Variants in LHFPL3 observed in about 807,000 individuals in gnomAD.
LHFPL3 encodes LHFPL tetraspan subfamily member 3.
A neutral mutation model predicts 19.3 loss-of-function variants in LHFPL3; 5 were observed. The observed-to-expected ratio is 0.26, with a 90% CI of 0.14 to 0.54. The LOEUF is 0.54. Ranked by LOEUF, LHFPL3 falls within the 20% of genes least tolerant of loss-of-function variation. The pLI is 0.94. For missense variants in LHFPL3, 249 were observed against 307.4 expected, an observed-to-expected ratio of 0.81 and a Z score of 1.42; for synonymous variants, 133 against 126.2, an observed-to-expected ratio of 1.05 and a Z score of -0.36.
At chr7:104,339,344 A>G (rs542216700) in intron 1 of LHFPL3, among the ~76,000 whole-genome samples, 1 of 152,340 alleles carries the variant, frequency 6.6e-6, no homozygotes, top group Non-Finnish European at 1.5e-5. Context: ...ACAATCCTAC[A>G]AGGTTCGTAT....
At chr7:104,676,703 C>T (rs954103422) in intron 1 of LHFPL3, among the ~76,000 whole-genome samples, 2 of 152,180 alleles carry the variant, frequency 1.3e-5, no homozygotes, top group Non-Finnish European at 2.9e-5. Flanking sequence ...GCAAATAATG[C>T]GATTTTTAAA....
At chr7:104,878,660 G>A (rs1791992390) in intron 2 of LHFPL3, among the ~76,000 whole-genome samples, 1 of 152,142 alleles carries the variant, frequency 6.6e-6, no homozygotes, top group Non-Finnish European at 1.5e-5. Context: ...TAAGTGAGAG[G>A]AAGAGTCACA....
chr7:104,394,774 G>A (rs928579332), intron 1 of LHFPL3, among the ~76,000 whole-genome samples: 4 of 151,560 alleles, frequency 2.6e-5, no homozygotes, highest in African/African-American at 9.7e-5. Flanking sequence ...AATCTCAGCT[G>A]ATTGCACCCT....
intron 1 of LHFPL3, among the ~76,000 whole-genome samples, chr7:104,546,040 C>CA (rs72219743): frequency 4.0e-5 from 6 of 151,564 alleles, no homozygotes; most frequent in East Asian, 1.9e-4. Context: ...TAATAGTTGC[C>CA]AAAAAAAATG....
chr7:104,581,070 G>T (rs1584415769), intron 1 of LHFPL3, among the ~76,000 whole-genome samples: 1 of 151,872 alleles, frequency 6.6e-6, no homozygotes. Flanking sequence ...TCACAGGGTG[G>T]GTGTTTATTT....
intron 1 of LHFPL3, among the ~76,000 whole-genome samples, chr7:104,430,383 CATATATATATATATATATAT>C (rs1176189742): frequency 2.5e-5 from 1 of 39,702 alleles, no homozygotes; most frequent in Non-Finnish European, 4.0e-5. Flanking sequence ...TATATATATA[CATATATATATATATATATAT>C]ACATATATAT....
chr7:104,669,425 A>G, intron 1 of LHFPL3: 2 of 1,613,530 alleles, frequency 1.2e-6, no homozygotes, highest in African/African-American at 2.7e-5. Flanking sequence ...TCAGATAGGA[A>G]AGATGGCAAA....
intron 2 of LHFPL3, chr7:104,785,918 C>G (rs552058662): frequency 5.9e-5 from 9 of 152,468 alleles, no homozygotes; most frequent in Admixed American, 1.3e-4. Context: ...CTATTCTGGC[C>G]CCCATTGGTT....
At chr7:104,340,061 A>C (rs577825948) in intron 1 of LHFPL3, among the ~76,000 whole-genome samples, 1 of 152,342 alleles carries the variant, frequency 6.6e-6, no homozygotes, top group East Asian at 1.9e-4. Flanking sequence ...AAGAGAAGCT[A>C]GCGTGTGGTC....
intron 2 of LHFPL3, among the ~76,000 whole-genome samples, chr7:104,744,850 A>T (rs945731183): frequency 6.6e-6 from 1 of 152,030 alleles, no homozygotes; most frequent in East Asian, 1.9e-4. Context: ...TCCTTTGCCA[A>T]TTCCTCTCAC....
At chr7:104,369,646 A>G (rs889284444) in intron 1 of LHFPL3, among the ~76,000 whole-genome samples, 2 of 152,232 alleles carry the variant, frequency 1.3e-5, no homozygotes, top group Non-Finnish European at 2.9e-5. Context: ...CATTCTCATG[A>G]GCAATGTCAC....
chr7:104,507,039 CTATT>C (rs1368712729), intron 1 of LHFPL3, among the ~76,000 whole-genome samples: 3 of 152,130 alleles, frequency 2.0e-5, no homozygotes, highest in Admixed American at 6.5e-5. Context: ...ACTGGTGTCT[CTATT>C]TATACATTGC....
At chr7:104,513,866 A>G (rs189117604) in intron 1 of LHFPL3, among the ~76,000 whole-genome samples, 28 of 152,288 alleles carry the variant, frequency 1.8e-4, no homozygotes, top group African/African-American at 6.3e-4. Flanking sequence ...CCACTGGTTA[A>G]ACAGAGGTGC....
At chr7:104,835,937 G>A (rs1791086113) in intron 2 of LHFPL3, among the ~76,000 whole-genome samples, 1 of 151,800 alleles carries the variant, frequency 6.6e-6, no homozygotes, top group Non-Finnish European at 1.5e-5. Context: ...CCAAATGGGA[G>A]GAGACAGAAA....
At chr7:104,378,623 T>C (rs1790762521) in intron 1 of LHFPL3, among the ~76,000 whole-genome samples, 2 of 152,232 alleles carry the variant, frequency 1.3e-5, no homozygotes, top group Non-Finnish European at 2.9e-5. Flanking sequence ...ATGGTTGTAC[T>C]GTATGAGAGT....
intron 1 of LHFPL3, among the ~76,000 whole-genome samples, chr7:104,442,375 G>A (rs1792244736): frequency 6.6e-6 from 1 of 151,958 alleles, no homozygotes; most frequent in South Asian, 2.1e-4. Context: ...ATATTGACAC[G>A]ACGCTTTGAG....
intron 1 of LHFPL3, among the ~76,000 whole-genome samples, chr7:104,670,733 C>T (rs1158802492): frequency 6.6e-6 from 1 of 152,182 alleles, no homozygotes; most frequent in Non-Finnish European, 1.5e-5. Context: ...TAAATAGGGA[C>T]AGGGACAGTT....
intron 1 of LHFPL3, among the ~76,000 whole-genome samples, chr7:104,717,343 G>T (rs2116234614): frequency 6.6e-6 from 1 of 152,200 alleles, no homozygotes; most frequent in African/African-American, 2.4e-5. Context: ...CAGAACAAAG[G>T]AAATAATAAG....
intron 1 of LHFPL3, among the ~76,000 whole-genome samples, chr7:104,728,548 T>A (rs535075879): frequency 1.4e-4 from 21 of 152,204 alleles, no homozygotes; most frequent in Non-Finnish European, 2.5e-4. Flanking sequence ...ACATCTTTCA[T>A]GCCAATATCA....
Sources: allele counts gnomAD v4.1 joint callset (sites outside exome capture counted in the v4.1 genomes callset), GRCh38; gene constraint gnomAD v4.1.1; transcripts MANE v1.5; gene names NCBI Gene and HGNC (gene_info 2026-07-23, HGNC 2026-07-21).